LAT2: variants seen among roughly 807,000 people sequenced by gnomAD.
The protein encoded by LAT2 is linker for activation of T cells family member 2.
Under a neutral mutation model 43.4 loss-of-function variants are expected in LAT2, and 23 were observed. The observed-to-expected ratio is 0.53, with a 90% CI of 0.38 to 0.75. LAT2 has a LOEUF of 0.75. LAT2 is among the 30% of genes least tolerant of loss of function. The pLI, the probability that LAT2 is intolerant of heterozygous loss-of-function variation, is 0.00. For synonymous variants in LAT2, 128 were observed against 123.2 expected (o/e 1.04, Z -0.26); for missense variants, 284 against 310.2 (o/e 0.92, Z 0.64).
At chr7:74,216,740 C>A in intron 3 of LAT2, 85 bp from the exon 4 acceptor site, 1 of 1,162,210 alleles carries the variant, frequency 8.6e-7, no homozygotes, top group Non-Finnish European at 1.3e-6. Flanking sequence ...CTGAGTCCTG[C>A]TGGAGACAAG....
At chr7:74,223,875 C>T in intron 11 of LAT2, 92 bp downstream of exon 11, 3 of 1,491,244 alleles carry the variant, frequency 2.0e-6, no homozygotes, top group South Asian at 2.3e-5. Context: ...CAAAGGCCGC[C>T]CCCACTTTGA....
At chr7:74,214,040 G>GTATATA (rs374928543) in intron 1 of LAT2, among the ~76,000 whole-genome samples, 34 of 106,334 alleles carry the variant, frequency 3.2e-4, no homozygotes, top group African/African-American at 1.2e-3. Flanking sequence ...CCATATATAT[G>GTATATA]TATATATATA....
rs575210956 is a variant in LAT2, at chr7:74,222,542, G to A, written c.388+850G>A. Among the ~76,000 whole-genome samples, 4 of 151,966 alleles carry A rather than the reference G, an allele frequency of 2.6e-5. No homozygotes were observed. In the South Asian group the frequency reaches 8.3e-4, roughly 32 times the overall value. On this transcript the variant is annotated intron_variant, in intron 10 of 13. Transcript: ENST00000460943. ...GGACCATACTGGGTAGGACCATGGT[G>A]TTGGGGGGTCCTCTTCTGCCCCCCA...
chr7:74,221,586 C>T (rs1584222565), intron 9 of LAT2, 51 bp from the exon 10 acceptor site: 1 of 1,523,316 alleles, frequency 6.6e-7, no homozygotes, highest in East Asian at 2.3e-5. Flanking sequence ...AGCCCCCAAC[C>T]CGATCTCCAG....
chr7:74,216,094 A>C (rs781914292), intron 3 of LAT2, 25 bp downstream of exon 3: 24 of 1,587,274 alleles, frequency 1.5e-5, no homozygotes, highest in Non-Finnish European at 2.1e-5. Context: ...CGGGGACGTG[A>C]TGGGGAGAAG....
chr7:74,213,951 C>A (rs552598899), intron 1 of LAT2, among the ~76,000 whole-genome samples: 1 of 147,612 alleles, frequency 6.8e-6, no homozygotes, highest in Admixed American at 6.9e-5. Flanking sequence ...GCCAGGTCTC[C>A]TTATTATTAT....
intron 4 of LAT2, among the ~76,000 whole-genome samples, chr7:74,218,074 G>T (rs936360579): frequency 6.6e-6 from 1 of 151,860 alleles, no homozygotes; most frequent in Admixed American, 6.6e-5. Flanking sequence ...CCAGCCCCCT[G>T]ATTGATCTTA....
At chr7:74,226,941 G>A (rs1299000367) in intron 13 of LAT2, among the ~76,000 whole-genome samples, 2 of 152,150 alleles carry the variant, frequency 1.3e-5, no homozygotes, top group Non-Finnish European at 2.9e-5. Flanking sequence ...GCAGGTGAGG[G>A]GAAACTAGTG....
At chr7:74,223,994 G>A in intron 11 of LAT2, 24 bp from the exon 12 acceptor site, 5 of 1,609,700 alleles carry the variant, frequency 3.1e-6, no homozygotes, top group Non-Finnish European at 4.2e-6. Flanking sequence ...TGAGCCAAGG[G>A]GGGCCTATTC....
chr7:74,222,698 C>A (rs143159858), intron 10 of LAT2, among the ~76,000 whole-genome samples: 1 of 151,868 alleles, frequency 6.6e-6, no homozygotes, highest in Non-Finnish European at 1.5e-5. Flanking sequence ...CTCAGCCTCC[C>A]GAGTAGCTGA....
Position 74,224,094 on chromosome 7 carries a change from T to C in LAT2, c.525T>C (p.Thr175=). ...CACTGGCCCTGAAGACTGGCCCCAC[T>C]TCTGGTCTCTGTCCCTCTGCCTCCC... ...SLSLALKTGP[T]SGLCPSASPE... Residue 175 remains threonine (T), a synonymous_variant, in exon 12 of 14, where the codon ACT becomes ACC. Transcript: ENST00000460943. The C allele has an allele frequency of 6.2e-7, 1 of 1,614,154 alleles. No individual in the cohort carries two copies. Among genetic ancestry groups the C allele is most frequent in the Non-Finnish European group, 8.5e-7 (1 of 1,180,012 alleles).
chr7:74,214,153 T>TATATATATGAAAATATATATATGAAA (rs1801862826), intron 1 of LAT2, among the ~76,000 whole-genome samples: 2 of 63,336 alleles, frequency 3.2e-5, no homozygotes, highest in East Asian at 6.6e-4. Context: ...TATATATAAA[T>TATATATATGAAAATATATATATGAAA]ATATATATGA....
Position 74,214,040 on chromosome 7 carries a change from G to GTATATATA in LAT2, c.-218-772_-218-765dup, listed in dbSNP as rs374928543. ...CACAGCTCACTGCAGCCATATATAT[G>GTATATATA]TATATATATATATATATGAAAAAAT... On this transcript the variant is annotated intron_variant, in intron 1 of 13. Coordinates refer to ENST00000460943, the MANE Select transcript of LAT2 (RefSeq NM_032464.3). Among the ~76,000 whole-genome samples the GTATATATA allele has an allele frequency of 4.7e-5, 5 of 106,338 alleles. 1 individual carries two copies. The highest frequency in any genetic ancestry group is 2.1e-4 in the African/African-American group (5 of 23,998). The allele number at this position is 106,338 out of a possible 152,430, so 69.8% of individuals were successfully genotyped here. A position where few individuals can be genotyped will look rare whatever the true frequency, so the allele number is the denominator to read the frequency against.
intron 4 of LAT2, among the ~76,000 whole-genome samples, chr7:74,219,469 GA>G (rs1802178952): frequency 6.6e-6 from 1 of 152,208 alleles, no homozygotes; most frequent in African/African-American, 2.4e-5. Context: ...TGGCCCTGTT[GA>G]GGCCATGTCA....
intron 4 of LAT2, among the ~76,000 whole-genome samples, chr7:74,219,033 TTTTTTTTTTTTTTTG>T (rs1802153386): frequency 2.8e-5 from 3 of 105,872 alleles, no homozygotes; most frequent in Admixed American, 9.1e-5. Flanking sequence ...TTTTTTTTTT[TTTTTTTTTTTTTTTG>T]AGACGGAGTC....
rs191647930 is a variant in LAT2, at chr7:74,214,525, A to T, written c.-218-297A>T. 7.1e-4 allele frequency among the ~76,000 whole-genome samples: 8 copies of T among 11,272 alleles called. 2 individuals are homozygous for T. Among genetic ancestry groups the T allele is most frequent in the South Asian group, 7.0e-3 (1 of 142 alleles). The allele number at this position is 11,272 out of a possible 152,430, so 7.4% of individuals were successfully genotyped here. A position where few individuals can be genotyped will look rare whatever the true frequency, so the allele number is the denominator to read the frequency against. On this transcript the variant is annotated intron_variant, in intron 1 of 13. Coordinates refer to ENST00000460943, the MANE Select transcript of LAT2 (RefSeq NM_032464.3). ...ATATATATATATGAAAATATATATA[A>T]ATATATATATGAATATATATATATA...
In LAT2 at chr7:74,220,934, C is replaced by T. The variant is rs1187321221; in HGVS notation, c.332+200C>T. Reference sequence around the variant, plus strand: ...CAGGCATTGGGCGACACTGTTGTCTCTTAGGTAACCCTGGGTTTGGGGGAC... The same window carrying T: ...CAGGCATTGGGCGACACTGTTGTCTTTTAGGTAACCCTGGGTTTGGGGGAC... On this transcript the variant is annotated intron_variant, in intron 9 of 13. Coordinates refer to ENST00000460943, the MANE Select transcript of LAT2 (RefSeq NM_032464.3). This position sits in a 1 kb window ranked among gnomAD's most constrained non-coding sequence, Gnocchi z 4.5. Among the ~76,000 whole-genome samples the T allele has an allele frequency of 5.9e-5, 9 of 152,272 alleles. No individual in the cohort carries two copies. The East Asian group carries it at 1.2e-3, about 20-fold the overall frequency.
chr7:74,220,199 C>T lies in LAT2; in HGVS notation c.228-18C>T, dbSNP rs1554714926. On this transcript the variant is annotated intron_variant, in intron 6 of 13. Coordinates refer to ENST00000460943, the MANE Select transcript of LAT2 (RefSeq NM_032464.3). This position sits in a 1 kb window ranked among gnomAD's most constrained non-coding sequence, Gnocchi z 4.5. ...CCTACAGCCCCTCCTTTAACTCCCTCCTTCCCCCTCCCTGCAGGAAGGACA... is the reference window on the plus strand; with the variant it reads ...CCTACAGCCCCTCCTTTAACTCCCTTCTTCCCCCTCCCTGCAGGAAGGACA... 1 of 1,600,316 alleles carries T rather than the reference C, an allele frequency of 6.2e-7. No individual in the cohort carries two copies.
At chr7:74,225,373 G>C (rs1802449341) in intron 13 of LAT2, 1 of 152,340 alleles carries the variant, frequency 6.6e-6, no homozygotes, top group Non-Finnish European at 1.5e-5. Flanking sequence ...CTGGGTGACA[G>C]AGCGAGACTC....
Sources: allele counts gnomAD v4.1 joint callset (sites outside exome capture counted in the v4.1 genomes callset), GRCh38; gene constraint gnomAD v4.1.1; non-coding constraint Gnocchi (gnomAD v3.1); transcripts MANE v1.5; gene names NCBI Gene and HGNC (gene_info 2026-07-23, HGNC 2026-07-21).